KIAA1549L: variants seen among roughly 807,000 people sequenced by gnomAD.
KIAA1549L encodes KIAA1549 like, also known as UPF0606 protein KIAA1549L.
KIAA1549L carries 88 observed loss-of-function variants against 160.7 expected under a neutral mutation model. That is an observed-to-expected ratio of 0.55 (90% CI 0.46 to 0.65). The LOEUF (loss-of-function observed/expected upper bound fraction) is 0.65. Among genes scored for constraint, KIAA1549L ranks in the 30% least tolerant of loss-of-function variants. The pLI is 0.00. For synonymous variants in KIAA1549L, 950 were observed against 976.7 expected (o/e 0.97, Z 0.51); for missense variants, 2,258 against 2,437.5 (o/e 0.93, Z 1.55).
At chr11:33,620,519 T>C (rs906298894) in intron 16 of KIAA1549L, among the ~76,000 whole-genome samples, 1 of 152,254 alleles carries the variant, frequency 6.6e-6, no homozygotes, top group African/African-American at 2.4e-5. Context: ...AACTGCTCAC[T>C]ATAGACCAAG....
chr11:33,465,547 A>T (rs1852039867), intron 1 of KIAA1549L, among the ~76,000 whole-genome samples: 1 of 152,156 alleles, frequency 6.6e-6, no homozygotes, highest in South Asian at 2.1e-4. Flanking sequence ...CAGGGGCTTA[A>T]CTTTGTTATT....
intron 1 of KIAA1549L, among the ~76,000 whole-genome samples, chr11:33,417,467 C>T (rs1329351738): frequency 1.3e-5 from 2 of 152,154 alleles, no homozygotes; most frequent in African/African-American, 4.8e-5. Flanking sequence ...TCATGACTCA[C>T]GAGTGGGTTA....
chr11:33,520,188 T>A (rs1425716679), intron 1 of KIAA1549L, among the ~76,000 whole-genome samples: 2 of 152,058 alleles, frequency 1.3e-5, no homozygotes, highest in Admixed American at 1.3e-4. Context: ...TACAATACAG[T>A]GTTGTGAATC....
At chr11:33,444,365 A>G (rs1016802583) in intron 1 of KIAA1549L, among the ~76,000 whole-genome samples, 1 of 152,230 alleles carries the variant, frequency 6.6e-6, no homozygotes, top group African/African-American at 2.4e-5. Flanking sequence ...CTCTTATAGA[A>G]TGAACTCTAA....
intron 1 of KIAA1549L, among the ~76,000 whole-genome samples, chr11:33,386,413 G>T (rs559539358): frequency 6.6e-6 from 1 of 152,298 alleles, no homozygotes; most frequent in East Asian, 1.9e-4. Flanking sequence ...AGATGTGGTG[G>T]CTCATGCCTG....
intron 16 of KIAA1549L, among the ~76,000 whole-genome samples, chr11:33,635,072 T>C (rs910853358): frequency 1.3e-5 from 2 of 152,166 alleles, no homozygotes; most frequent in African/African-American, 2.4e-5. Flanking sequence ...GATGCAGGCT[T>C]ATGGGAAACT....
intron 1 of KIAA1549L, among the ~76,000 whole-genome samples, chr11:33,480,759 C>G (rs1852394825): frequency 6.6e-6 from 1 of 152,174 alleles, no homozygotes; most frequent in Non-Finnish European, 1.5e-5. Flanking sequence ...TCTTTGCAGT[C>G]TTTGTGCCAA....
intron 1 of KIAA1549L, among the ~76,000 whole-genome samples, chr11:33,499,370 T>C (rs746694633): frequency 6.8e-4 from 103 of 152,220 alleles, no homozygotes; most frequent in Admixed American, 2.2e-3. Context: ...TAGGTTTAAG[T>C]AGTGAGGGTT....
intron 1 of KIAA1549L, among the ~76,000 whole-genome samples, chr11:33,540,805 G>C (rs1442572141): frequency 6.6e-6 from 1 of 152,186 alleles, no homozygotes; most frequent in Non-Finnish European, 1.5e-5. Context: ...TGGTGATCAG[G>C]AGACAGTCAG....
chr11:33,510,979 G>C (rs1853215382), intron 1 of KIAA1549L, among the ~76,000 whole-genome samples: 1 of 152,256 alleles, frequency 6.6e-6, no homozygotes, highest in South Asian at 2.1e-4. Flanking sequence ...AGGGAGGTCA[G>C]CATTGGAAAT....
chr11:33,378,218 G>T (rs550312708), intron 1 of KIAA1549L, among the ~76,000 whole-genome samples: 2 of 152,190 alleles, frequency 1.3e-5, no homozygotes, highest in African/African-American at 2.4e-5. Flanking sequence ...GTCCTTGGTC[G>T]TTTTTGTGAA....
intron 13 of KIAA1549L, among the ~76,000 whole-genome samples, chr11:33,600,819 A>G (rs2133309203): frequency 6.6e-6 from 1 of 152,260 alleles, no homozygotes; most frequent in South Asian, 2.1e-4. Flanking sequence ...CTTGCTTTAA[A>G]CTGTGCCATA....
chr11:33,621,528 C>T (rs1219055819), intron 16 of KIAA1549L, among the ~76,000 whole-genome samples: 1 of 152,044 alleles, frequency 6.6e-6, no homozygotes, highest in Non-Finnish European at 1.5e-5. Context: ...TTAATTCATC[C>T]CTATGTATAA....
At chr11:33,420,814 C>T in intron 1 of KIAA1549L, among the ~76,000 whole-genome samples, 1 of 152,138 alleles carries the variant, frequency 6.6e-6, no homozygotes, top group East Asian at 1.9e-4. Flanking sequence ...TGGTATACAG[C>T]AAGATGAAAC....
intron 1 of KIAA1549L, among the ~76,000 whole-genome samples, chr11:33,436,586 T>C (rs537157816): frequency 1.3e-5 from 2 of 152,376 alleles, no homozygotes; most frequent in Admixed American, 1.3e-4. Context: ...GGGCACCCTG[T>C]GGCCCAGTCA....
At chr11:33,614,905 C>T (rs192754680) in intron 15 of KIAA1549L, among the ~76,000 whole-genome samples, 32 of 151,936 alleles carry the variant, frequency 2.1e-4, no homozygotes, top group African/African-American at 7.0e-4. Context: ...GCCACAGTGC[C>T]GGGCCTCAAG....
intron 18 of KIAA1549L, 91 bp downstream of exon 18, chr11:33,656,200 C>T: frequency 1.1e-6 from 1 of 916,006 alleles, no homozygotes; most frequent in Non-Finnish European, 1.7e-6. Context: ...GGCAAATTTC[C>T]TTCATGCTCC....
Position 33,618,565 on chromosome 11 carries a change from G to A in KIAA1549L, c.5312G>A (p.Arg1771Gln), listed in dbSNP as rs1297763581. 3.7e-6 allele frequency: 6 copies of A among 1,609,702 alleles called. No individual in the cohort carries two copies. The highest frequency in any genetic ancestry group is 3.3e-5 in the South Asian group (3 of 90,620). Residue 1771 changes from arginine (R) to glutamine (Q), a missense_variant, in exon 16 of 21, where the codon CGG (arginine) becomes CAG (glutamine). This residue lies in a region of KIAA1549L where 1,359 missense variants were observed against 1,546.6 expected (regional missense o/e 0.88). Transcript: ENST00000658780. ...QQMKNSVYRS[R>Q]QSLNSPSPGE... ...ATGAAGAACTCTGTCTACAGAAGCC[G>A]GCAGTCTCTGAACAGCCCGAGTCCA...
At chr11:33,465,297 A>G (rs938447581) in intron 1 of KIAA1549L, among the ~76,000 whole-genome samples, 2 of 152,070 alleles carry the variant, frequency 1.3e-5, no homozygotes, top group Non-Finnish European at 2.9e-5. Flanking sequence ...CAAGTGATCC[A>G]TCTGCCTCGG....
Sources: gnomAD v4.1 joint callset for allele counts (sites outside exome capture counted in the v4.1 genomes callset) on GRCh38, gnomAD v4.1.1 for gene constraint, gnomAD v4.1.1 regional missense constraint, MANE v1.5 for transcripts, NCBI Gene and HGNC (gene_info 2026-07-23, HGNC 2026-07-21) for gene names.